The following KHDRBS2 variants were observed in gnomAD, a reference collection of about 807,000 sequenced individuals.
KHDRBS2 encodes KH RNA binding domain containing, signal transduction associated 2, also known as KH domain-containing, RNA-binding, signal transduction-associated protein 2.
A neutral mutation model predicts 44.3 loss-of-function variants in KHDRBS2; 26 were observed. The ratio of observed to expected loss-of-function variants is 0.59; its 90% CI spans 0.43 to 0.81. The LOEUF is 0.81. KHDRBS2 is among the 40% of genes least tolerant of loss of function. The pLI, the probability that KHDRBS2 is intolerant of heterozygous loss-of-function variation, is 0.00. For synonymous variants in KHDRBS2, 194 were observed against 151.1 expected, an observed-to-expected ratio of 1.28 and a Z score of -2.08; for missense variants, 476 against 433.1, an observed-to-expected ratio of 1.10 and a Z score of -0.88.
chr6:61,856,950 C>G (rs1796245730), intron 6 of KHDRBS2, among the ~76,000 whole-genome samples: 1 of 152,056 alleles, frequency 6.6e-6, no homozygotes, highest in African/African-American at 2.4e-5. Context: ...AAAATGAGAA[C>G]AGTTATAAGA....
intron 8 of KHDRBS2, among the ~76,000 whole-genome samples, chr6:61,692,855 G>A (rs554869542): frequency 2.6e-5 from 4 of 152,064 alleles, no homozygotes; most frequent in South Asian, 4.2e-4. Flanking sequence ...GCAGAGGAAG[G>A]TGCCTGGGAC....
intron 7 of KHDRBS2, among the ~76,000 whole-genome samples, chr6:61,720,620 G>A (rs1053365750): frequency 7.2e-5 from 11 of 152,010 alleles, no homozygotes; most frequent in African/African-American, 2.4e-4. Flanking sequence ...CTTTTTGATG[G>A]GCTTGTTTGT....
rs553518751 is a variant in KHDRBS2 at position 62,261,759 on chromosome 6, T to C, written c.91+24099A>G. 6.6e-5 allele frequency among the ~76,000 whole-genome samples: 10 copies of C among 151,970 alleles called. No homozygotes were observed. In the Middle Eastern group the frequency reaches 0.01, roughly 155 times the overall value. ...ATAAGACATTTTTGGAATTCATTAA[T>C]TTTAACACAGTAAAGATTAACTATA... On this transcript the variant is annotated intron_variant, in intron 1 of 8. Coordinates refer to ENST00000281156, the MANE Select transcript of KHDRBS2 (RefSeq NM_152688.4).
chr6:62,180,973 A>G (rs1461716420), intron 1 of KHDRBS2, among the ~76,000 whole-genome samples: 1 of 151,760 alleles, frequency 6.6e-6, no homozygotes, highest in Non-Finnish European at 1.5e-5. Context: ...GTGTTGAGAA[A>G]ACTGGATGTC....
chr6:62,021,335 C>T (rs1037652458), intron 3 of KHDRBS2, among the ~76,000 whole-genome samples: 2 of 151,856 alleles, frequency 1.3e-5, no homozygotes, highest in African/African-American at 4.8e-5. Context: ...GGTGACAAAA[C>T]AATATGTACA....
the KHDRBS2 span, among the ~76,000 whole-genome samples, chr6:61,579,982 G>A: frequency 0.17 from 25,254 of 150,736 alleles, 2,382 homozygotes; most frequent in East Asian, 0.28. Flanking sequence ...ACTTGAACCC[G>A]GGAGGTGGAG....
the KHDRBS2 span, among the ~76,000 whole-genome samples, chr6:61,564,243 T>A: frequency 6.6e-6 from 1 of 152,134 alleles, no homozygotes; most frequent in African/African-American, 2.4e-5. Flanking sequence ...ATCTACCACA[T>A]GCTTTCATGA....
At chr6:61,544,485 A>C in the KHDRBS2 span, among the ~76,000 whole-genome samples, 2 of 152,168 alleles carry the variant, frequency 1.3e-5, no homozygotes, top group Admixed American at 1.3e-4. Context: ...CAAATAGCAA[A>C]TAAATAATAA....
At chr6:62,147,600 T>G (rs920036463) in intron 2 of KHDRBS2, among the ~76,000 whole-genome samples, 1 of 152,044 alleles carries the variant, frequency 6.6e-6, no homozygotes, top group South Asian at 2.1e-4. Flanking sequence ...GAATGTGATA[T>G]AACAAAGAAT....
At chr6:61,737,562 A>T (rs7774153) in intron 6 of KHDRBS2, among the ~76,000 whole-genome samples, 121,692 of 152,028 alleles carry the variant, frequency 0.8, 49,293 homozygotes, top group African/African-American at 0.91. Context: ...CCGTAAGTTA[A>T]TCATTGGTAT....
intron 3 of KHDRBS2, among the ~76,000 whole-genome samples, chr6:61,998,658 T>G (rs1777675258): frequency 6.6e-6 from 1 of 152,136 alleles, no homozygotes. Flanking sequence ...TTAGTATATT[T>G]TTTGTGTTTG....
intron 2 of KHDRBS2, among the ~76,000 whole-genome samples, chr6:62,122,281 T>C (rs1305185641): frequency 6.6e-6 from 1 of 152,132 alleles, no homozygotes; most frequent in Non-Finnish European, 1.5e-5. Context: ...GGCCCTGCCA[T>C]CTTCTGCAGA....
intron 1 of KHDRBS2, among the ~76,000 whole-genome samples, chr6:62,198,252 G>A (rs1826109704): frequency 6.6e-6 from 1 of 152,008 alleles, no homozygotes; most frequent in Admixed American, 6.6e-5. Context: ...CAGAACTGAA[G>A]GAAATAGAGA....
Position 62,078,229 on chromosome 6 carries a change from C to T in KHDRBS2, c.220-30235G>A, listed in dbSNP as rs374830060. On this transcript the variant is annotated intron_variant, in intron 2 of 8. Transcript: ENST00000281156. ...AAGTGATTGAGAAATTCAGAAATGT[C>T]TGGCTATGCTTTAGGATCTTATGAT... is the stretch of plus-strand genomic sequence containing the variant. Among the ~76,000 whole-genome samples, 583 of 152,104 alleles carry T rather than the reference C, an allele frequency of 3.8e-3. 2 individuals carry two copies. Among genetic ancestry groups the T allele is most frequent in the African/African-American group, 0.014 (565 of 41,522 alleles).
At position 62,256,443 on chromosome 6, in the gene KHDRBS2, T is replaced by C. The variant is rs548446077; in HGVS notation, c.91+29415A>G. On this transcript the variant is annotated intron_variant, in intron 1 of 8. Transcript: ENST00000281156. ...AGTCTTTCCCTTGCTATTCTCATGA[T>C]AGTGAATAAGTCTCACTATCTGATG... Among the ~76,000 whole-genome samples the C allele has an allele frequency of 4.6e-5, 7 of 152,078 alleles. No individual in the cohort carries two copies. In the East Asian group the frequency reaches 1.2e-3, roughly 25 times the overall value.
the KHDRBS2 span, among the ~76,000 whole-genome samples, chr6:61,614,082 C>A: frequency 6.6e-6 from 1 of 152,184 alleles, no homozygotes; most frequent in East Asian, 1.9e-4. Context: ...TTTAACAGCA[C>A]CAGTAGCTTC....
intron 4 of KHDRBS2, among the ~76,000 whole-genome samples, chr6:61,947,760 C>T (rs1211400282): frequency 1.3e-5 from 2 of 151,818 alleles, no homozygotes; most frequent in Admixed American, 6.6e-5. Context: ...TATTTATATG[C>T]ATGAATATAC....
the KHDRBS2 span, among the ~76,000 whole-genome samples, chr6:61,581,242 C>A: frequency 6.6e-6 from 1 of 152,088 alleles, no homozygotes; most frequent in Non-Finnish European, 1.5e-5. Flanking sequence ...GCACAATGTG[C>A]ATTGTGTCCT....
At chr6:61,771,171 G>T (rs1332246516) in intron 6 of KHDRBS2, among the ~76,000 whole-genome samples, 1 of 152,144 alleles carries the variant, frequency 6.6e-6, no homozygotes, top group African/African-American at 2.4e-5. Flanking sequence ...TGCCCTAAAA[G>T]AACTCCTGAA....
Sources: allele counts gnomAD v4.1 joint callset (sites outside exome capture counted in the v4.1 genomes callset), GRCh38; gene constraint gnomAD v4.1.1; transcripts MANE v1.5; gene names NCBI Gene and HGNC (gene_info 2026-07-23, HGNC 2026-07-21).